The following MAJIN variants were observed in gnomAD, a reference collection of about 807,000 sequenced individuals.
The protein encoded by MAJIN is membrane-anchored junction protein.
Under a neutral mutation model 30.2 loss-of-function variants are expected in MAJIN, and 27 were observed. The observed-to-expected ratio is 0.89, with a 90% CI of 0.66 to 1.23. The LOEUF (loss-of-function observed/expected upper bound fraction) is 1.23. MAJIN is among the 50% of genes most tolerant of loss of function. MAJIN has a pLI of 0.00. For synonymous variants in MAJIN, 78 were observed against 91.6 expected (o/e 0.85, Z 0.85); for missense variants, 253 against 260.3 (o/e 0.97, Z 0.19).
chr11:64,962,792 AC>A (rs1322144097), intron 1 of MAJIN, among the ~76,000 whole-genome samples: 2 of 152,192 alleles, frequency 1.3e-5, no homozygotes, highest in African/African-American at 2.4e-5. Flanking sequence ...GTTAGCACTT[AC>A]GATAGATTTG....
chr11:64,964,776 G>T (rs1406078726), intron 1 of MAJIN, among the ~76,000 whole-genome samples: 1 of 151,832 alleles, frequency 6.6e-6, no homozygotes, highest in African/African-American at 2.4e-5. Flanking sequence ...CTGTAGATAT[G>T]GGGTTTCGCT....
At chr11:64,947,191 T>C (rs1476301744) in intron 8 of MAJIN, among the ~76,000 whole-genome samples, 183 bp downstream of exon 8, 1 of 152,244 alleles carries the variant, frequency 6.6e-6, no homozygotes, top group African/African-American at 2.4e-5. Flanking sequence ...AAAGGGACTG[T>C]GTTCAAATTA....
Position 64,964,597 on chromosome 11 carries a change from AT to A in MAJIN, c.-64-4463del, listed in dbSNP as rs111965963. Among the ~76,000 whole-genome samples, 626 of 142,752 alleles carry A rather than the reference AT, an allele frequency of 4.4e-3. 4 individuals carry two copies. The highest frequency in any genetic ancestry group is 0.011 in the African/African-American group (428 of 38,952). The allele number at this position is 142,752 out of a possible 152,430, so 93.7% of individuals were successfully genotyped here. On this transcript the variant is annotated intron_variant, in intron 1 of 10. Transcript: ENST00000301896. Reference sequence around the variant, plus strand: ...TACAAAAACATCAAAGCAAAATTTAATTTTTTTTTTTTTTTGAGACAGAGTC... The same window carrying A: ...TACAAAAACATCAAAGCAAAATTTAATTTTTTTTTTTTTTGAGACAGAGTC...
chr11:64,946,177 G>A, intron 8 of MAJIN: 1 of 1,529,378 alleles, frequency 6.5e-7, no homozygotes, highest in Non-Finnish European at 8.7e-7. Context: ...AAAATATGCA[G>A]GAAATGTTAC....
intron 1 of MAJIN, among the ~76,000 whole-genome samples, chr11:64,962,796 T>C (rs988833714): frequency 2.0e-5 from 3 of 152,148 alleles, no homozygotes; most frequent in Non-Finnish European, 2.9e-5. Context: ...GCACTTACGA[T>C]AGATTTGAAG....
At chr11:64,963,253 C>A (rs1375409150) in intron 1 of MAJIN, among the ~76,000 whole-genome samples, 1 of 152,192 alleles carries the variant, frequency 6.6e-6, no homozygotes, top group Non-Finnish European at 1.5e-5. Flanking sequence ...AAATTCCAAC[C>A]AAGAACTTTT....
At chr11:64,949,018 G>A (rs1945506780) in intron 6 of MAJIN, among the ~76,000 whole-genome samples, 1 of 150,996 alleles carries the variant, frequency 6.6e-6, no homozygotes, top group Non-Finnish European at 1.5e-5. Context: ...AAACACCCAT[G>A]GCCTTCAGAG....
chr11:64,954,739 G>A lies in MAJIN; in HGVS notation c.147+18C>T, dbSNP rs368700169. The A allele has an allele frequency of 4.5e-5, 72 of 1,611,446 alleles. No homozygotes were observed. Among genetic ancestry groups the A allele is most frequent in the Non-Finnish European group, 4.8e-5 (57 of 1,177,700 alleles). ...TTAAAGAGTAACTTTTCCAGAAGTC[G>A]TATGCTTCTTTCCCTACCTCCAGCT... is the stretch of plus-strand genomic sequence containing the variant. On this transcript the variant is annotated intron_variant, in intron 4 of 10. Coordinates refer to ENST00000301896, the MANE Select transcript of MAJIN (RefSeq NM_001037225.3).
rs116075431 is a variant in MAJIN at position 64,949,405 on chromosome 11, T to C, written c.349+338A>G. 7.5e-3 allele frequency among the ~76,000 whole-genome samples: 1,146 copies of C among 152,176 alleles called. 16 individuals are homozygous for C. Among genetic ancestry groups the C allele is most frequent in the African/African-American group, 0.026 (1,098 of 41,508 alleles). On this transcript the variant is annotated intron_variant, in intron 6 of 10. Coordinates refer to ENST00000301896, the MANE Select transcript of MAJIN (RefSeq NM_001037225.3). ...CATAGAATTCTCTCTAATGGAAGGGTTTATATAATAGTTATCTTTCATTCA... is the reference window on the plus strand; with the variant it reads ...CATAGAATTCTCTCTAATGGAAGGGCTTATATAATAGTTATCTTTCATTCA...
rs1945317635 is a variant in MAJIN at position 64,938,317 on chromosome 11, A to G, written c.*258T>C. 1.8e-6 allele frequency: 1 copy of G among 559,340 alleles called. No individual in the cohort carries two copies. The highest frequency in any genetic ancestry group is 3.1e-5 in the Admixed American group (1 of 32,570). 34.6% of individuals were successfully genotyped at this position (559,340 alleles called of 1,614,324 possible). Reference sequence around the variant, plus strand: ...CCGGCCCTCAGGACATGAACATTTTAGAAAGTTCCATTCTTAATGTTTTAA... The same window carrying G: ...CCGGCCCTCAGGACATGAACATTTTGGAAAGTTCCATTCTTAATGTTTTAA... On this transcript the variant is annotated 3_prime_UTR_variant, in exon 11 of 11. Coordinates refer to ENST00000301896, the MANE Select transcript of MAJIN (RefSeq NM_001037225.3).
rs1290120642 is a variant in MAJIN at position 64,938,516 on chromosome 11, T to C, written c.*59A>G. 3 of 1,534,992 alleles carry C rather than the reference T, an allele frequency of 2.0e-6. No homozygotes were observed. The highest frequency in any genetic ancestry group is 2.4e-5 in the South Asian group (2 of 84,038). Reference sequence around the variant, plus strand: ...GATGATCCTCTTTCCAGCGCTGCATTTGGAAGGCTCAAGAGTGGCTGCTCT... The same window carrying C: ...GATGATCCTCTTTCCAGCGCTGCATCTGGAAGGCTCAAGAGTGGCTGCTCT... On this transcript the variant is annotated 3_prime_UTR_variant, in exon 11 of 11. Coordinates refer to ENST00000301896, the MANE Select transcript of MAJIN (RefSeq NM_001037225.3).
chr11:64,958,405 C>G (rs1945669145), intron 3 of MAJIN, among the ~76,000 whole-genome samples: 1 of 151,696 alleles, frequency 6.6e-6, no homozygotes, highest in African/African-American at 2.4e-5. Flanking sequence ...CCCTTGGGCC[C>G]AGGAGTTTGA....
chr11:64,951,076 C>T (rs1464959638), intron 4 of MAJIN, among the ~76,000 whole-genome samples: 1 of 152,300 alleles, frequency 6.6e-6, no homozygotes, highest in East Asian at 1.9e-4. Flanking sequence ...AGCCTGGAGT[C>T]TTTACTACAT....
chr11:64,940,726 C>G, intron 8 of MAJIN, 80 bp from the exon 9 acceptor site: 1 of 1,311,900 alleles, frequency 7.6e-7, no homozygotes, highest in East Asian at 2.3e-5. Flanking sequence ...TGCTGGTGAA[C>G]TGATTTCATA....
chr11:64,967,361 A>G (rs1406501602), intron 1 of MAJIN, among the ~76,000 whole-genome samples: 1 of 152,110 alleles, frequency 6.6e-6, no homozygotes, highest in Non-Finnish European at 1.5e-5. Context: ...AGCCGAGATG[A>G]TACCATTGCA....
At chr11:64,947,348 C>G (rs538298585) in intron 8 of MAJIN, 26 bp downstream of exon 8, 2 of 1,577,886 alleles carry the variant, frequency 1.3e-6, no homozygotes, top group Admixed American at 1.8e-5. Flanking sequence ...GACGCAGGAG[C>G]GAGCCTCTCT....
At chr11:64,965,872 C>T (rs916822533) in intron 1 of MAJIN, among the ~76,000 whole-genome samples, 3 of 151,182 alleles carry the variant, frequency 2.0e-5, no homozygotes, top group Non-Finnish European at 2.9e-5. Flanking sequence ...AGGAGAATGG[C>T]GTGAACCCGG....
intron 8 of MAJIN, among the ~76,000 whole-genome samples, chr11:64,942,957 G>A (rs1262674598): frequency 6.6e-5 from 10 of 152,300 alleles, no homozygotes; most frequent in South Asian, 6.2e-4. Flanking sequence ...ACAGCCTACC[G>A]CTGAACCAGG....
At chr11:64,949,704 T>C (rs140011810) in intron 6 of MAJIN, 39 bp downstream of exon 6, 850 of 1,606,798 alleles carry the variant, frequency 5.3e-4, no homozygotes, top group African/African-American at 2.3e-3. Context: ...GCTAAACCAT[T>C]TTCTTCTCTG....
Sources: allele counts gnomAD v4.1 joint callset (sites outside exome capture counted in the v4.1 genomes callset), GRCh38; gene constraint gnomAD v4.1.1; transcripts MANE v1.5; gene names NCBI Gene and HGNC (gene_info 2026-07-23, HGNC 2026-07-21).